The following DIAPH2 variants were observed in gnomAD, a reference collection of about 807,000 sequenced individuals.
DIAPH2 encodes the protein diaphanous related formin 2, also known as protein diaphanous homolog 2.
In DIAPH2, 35 loss-of-function variants were observed where a neutral mutation model predicts 92.7. The observed-to-expected ratio is 0.38, with a 90% CI of 0.29 to 0.50. The LOEUF (loss-of-function observed/expected upper bound fraction) is 0.50. Ranked by LOEUF, DIAPH2 falls within the 20% of genes least tolerant of loss-of-function variation. The pLI is 0.94. For synonymous variants in DIAPH2, 301 were observed against 280.4 expected, an observed-to-expected ratio of 1.07 and a Z score of -0.73; for missense variants, 701 against 819.5, an observed-to-expected ratio of 0.86 and a Z score of 1.77.
At chrX:97,521,690 T>G (rs2070992366) in intron 26 of DIAPH2, among the ~76,000 whole-genome samples, 1 of 111,493 alleles carries the variant, frequency 9.0e-6, no homozygotes, top group African/African-American at 3.3e-5. Flanking sequence ...TTCTCTCTCC[T>G]GCTGCCCTTT....
intron 26 of DIAPH2, among the ~76,000 whole-genome samples, chrX:97,495,095 AAACTGT>A (rs896737788): frequency 1.8e-5 from 2 of 112,582 alleles, no homozygotes; most frequent in African/African-American, 3.2e-5. Context: ...CCTGAGAAAG[AAACTGT>A]GGGCCAAAGT....
chrX:97,135,133 C>T (rs1393299535), intron 21 of DIAPH2, among the ~76,000 whole-genome samples: 5 of 111,781 alleles, frequency 4.5e-5, no homozygotes, highest in African/African-American at 1.6e-4. Flanking sequence ...GGAATAAGTG[C>T]TATAACTAGA....
In DIAPH2 at chrX:96,854,647, C is replaced by T. The variant is rs1297621850; in HGVS notation, c.448-26932C>T. On this transcript the variant is annotated intron_variant, in intron 4 of 26. Coordinates refer to ENST00000324765, the MANE Select transcript of DIAPH2 (RefSeq NM_006729.5). ...TATATATATATATATATATATCCAT[C>T]TGATAGCCAAGGCAGCTACCAAATG... is the stretch of plus-strand genomic sequence containing the variant. Among the ~76,000 whole-genome samples the T allele has an allele frequency of 1.5e-4, 10 of 65,795 alleles. No homozygotes were observed. In the Admixed American group the frequency reaches 2.0e-3, roughly 13 times the overall value. 57.1% of individuals were successfully genotyped at this position (65,795 alleles called of 115,157 possible). A position where few individuals can be genotyped will look rare whatever the true frequency, so the allele number is the denominator to read the frequency against.
intron 21 of DIAPH2, among the ~76,000 whole-genome samples, chrX:97,120,163 A>G (rs1268656687): frequency 9.0e-6 from 1 of 110,523 alleles, no homozygotes; most frequent in East Asian, 2.9e-4. Context: ...AAGGATCCCT[A>G]TGGTGCCAGG....
chrX:97,316,396 CTT>C (rs2068839764), intron 23 of DIAPH2, among the ~76,000 whole-genome samples: 1 of 107,066 alleles, frequency 9.3e-6, no homozygotes, highest in African/African-American at 3.4e-5. Flanking sequence ...AATCCCAACA[CTT>C]TGGGAGGCCG....
intron 5 of DIAPH2, among the ~76,000 whole-genome samples, chrX:96,902,763 T>C (rs2065406807): frequency 9.0e-6 from 1 of 111,578 alleles, no homozygotes; most frequent in African/African-American, 3.3e-5. Context: ...CCACGGTATC[T>C]TTCTCAGCAT....
chrX:97,377,534 A>G (rs2069512383), intron 24 of DIAPH2, among the ~76,000 whole-genome samples: 2 of 112,083 alleles, frequency 1.8e-5, no homozygotes, highest in Non-Finnish European at 3.8e-5. Context: ...GTTGTACTAC[A>G]TGTCATTATG....
intron 4 of DIAPH2, 87 bp from the exon 5 acceptor site, chrX:96,881,492 A>G: frequency 1.2e-6 from 1 of 819,150 alleles, no homozygotes; most frequent in Non-Finnish European, 1.7e-6. Context: ...ACACATTTTT[A>G]TATAACAAAA....
chrX:96,899,956 A>G (rs1482818842), intron 5 of DIAPH2, among the ~76,000 whole-genome samples: 1 of 99,283 alleles, frequency 1.0e-5, no homozygotes, highest in Non-Finnish European at 2.1e-5. Flanking sequence ...GAATTTTGTC[A>G]AAGGCCTTTT....
chrX:97,114,141 C>T (rs1299009159), intron 20 of DIAPH2, among the ~76,000 whole-genome samples: 1 of 111,869 alleles, frequency 8.9e-6, no homozygotes, highest in Non-Finnish European at 1.9e-5. Context: ...AATTACTTAA[C>T]AGCAGCATCT....
chrX:97,135,663 G>A (rs377246592), intron 21 of DIAPH2, among the ~76,000 whole-genome samples: 10 of 111,474 alleles, frequency 9.0e-5, no homozygotes, highest in African/African-American at 1.3e-4. Context: ...ATAAATTGCC[G>A]TGCTTTGTTC....
intron 19 of DIAPH2, among the ~76,000 whole-genome samples, chrX:97,093,162 T>C (rs2147355357): frequency 1.2e-5 from 1 of 85,244 alleles, no homozygotes; most frequent in Admixed American, 1.8e-4. Flanking sequence ...CACTCCAGCC[T>C]GGGCAACAGA....
intron 1 of DIAPH2, among the ~76,000 whole-genome samples, chrX:96,731,408 A>T (rs1404760485): frequency 2.7e-5 from 3 of 111,904 alleles, no homozygotes; most frequent in African/African-American, 9.7e-5. Flanking sequence ...AGAGAGAAGA[A>T]AATAGTCAAA....
At chrX:97,469,876 C>T in intron 26 of DIAPH2, 1 of 1,056,175 alleles carries the variant, frequency 9.5e-7, no homozygotes, top group East Asian at 3.4e-5. Context: ...CTGCCTAAGG[C>T]TTTCTGATAA....
At chrX:97,434,273 A>C (rs1188434154) in intron 26 of DIAPH2, among the ~76,000 whole-genome samples, 1 of 111,335 alleles carries the variant, frequency 9.0e-6, no homozygotes, top group African/African-American at 3.3e-5. Flanking sequence ...TATTTAAAGG[A>C]GTATAAGTAA....
intron 10 of DIAPH2, among the ~76,000 whole-genome samples, 197 bp downstream of exon 10, chrX:96,931,040 G>A (rs1238687075): frequency 8.9e-6 from 1 of 111,845 alleles, no homozygotes; most frequent in Non-Finnish European, 1.9e-5. Context: ...AGCTAATAAT[G>A]TACCCAGAAG....
chrX:97,445,606 G>GT (rs756529412), intron 26 of DIAPH2, among the ~76,000 whole-genome samples: 3,576 of 97,435 alleles, frequency 0.037, 47 homozygotes, highest in Non-Finnish European at 0.041. Context: ...GTTTTTTGTT[G>GT]TTTTTTTTTT....
chrX:97,321,544 A>ATTTTTTT (rs72265655), intron 23 of DIAPH2, among the ~76,000 whole-genome samples: 6 of 48,409 alleles, frequency 1.2e-4, no homozygotes, highest in African/African-American at 1.5e-4. Context: ...TTGTGTTGTT[A>ATTTTTTT]TTTTTTTTTT....
intron 4 of DIAPH2, among the ~76,000 whole-genome samples, chrX:96,867,686 A>C (rs886603848): frequency 1.8e-5 from 2 of 111,871 alleles, no homozygotes; most frequent in Non-Finnish European, 3.8e-5. Context: ...AAATAAACAC[A>C]TATGTTTGAG....
Sources: gnomAD v4.1 joint callset for allele counts (sites outside exome capture counted in the v4.1 genomes callset) on GRCh38, gnomAD v4.1.1 for gene constraint, MANE v1.5 for transcripts, NCBI Gene and HGNC (gene_info 2026-07-23, HGNC 2026-07-21) for gene names.